Variants in BCKDHB observed in about 807,000 individuals in gnomAD.
BCKDHB encodes branched chain keto acid dehydrogenase E1 subunit beta, also known as 2-oxoisovalerate dehydrogenase subunit beta, mitochondrial.
A neutral mutation model predicts 48.5 loss-of-function variants in BCKDHB; 41 were observed. The ratio of observed to expected loss-of-function variants is 0.85; its 90% CI spans 0.66 to 1.10. The LOEUF (loss-of-function observed/expected upper bound fraction) is 1.10, where lower values mean the gene tolerates loss of function less well. BCKDHB is among the 50% of genes least tolerant of loss of function. The pLI, the probability that BCKDHB is intolerant of heterozygous loss-of-function variation, is 0.00. For synonymous variants in BCKDHB, 201 were observed against 174.8 expected (o/e 1.15, Z -1.18); for missense variants, 496 against 494.2 (o/e 1.00, Z -0.03).
At chr6:80,450,379 T>C in the BCKDHB span, among the ~76,000 whole-genome samples, 2 of 152,190 alleles carry the variant, frequency 1.3e-5, no homozygotes, top group Non-Finnish European at 2.9e-5. Flanking sequence ...GAACAGAAGC[T>C]ATGTCTGTGT....
At chr6:80,367,479 A>G in the BCKDHB span, among the ~76,000 whole-genome samples, 1 of 152,118 alleles carries the variant, frequency 6.6e-6, no homozygotes, top group Non-Finnish European at 1.5e-5. Flanking sequence ...CTGTTTTTTT[A>G]TTTCACTTAC....
chr6:80,451,145 G>A, the BCKDHB span, among the ~76,000 whole-genome samples: 8 of 151,980 alleles, frequency 5.3e-5, no homozygotes, highest in East Asian at 1.9e-4. Flanking sequence ...TTCTTTCCCC[G>A]GTTTCCTCAT....
chr6:80,350,574 G>T (rs554023331), downstream of BCKDHB, among the ~76,000 whole-genome samples: 67 of 152,206 alleles, frequency 4.4e-4, no homozygotes, highest in African/African-American at 1.6e-3. Context: ...TTGGCCCACA[G>T]TGTTGATAAA....
chr6:80,185,698 C>A (rs562995588), intron 6 of BCKDHB, among the ~76,000 whole-genome samples: 2 of 152,268 alleles, frequency 1.3e-5, no homozygotes, highest in Admixed American at 6.5e-5. Context: ...GTCTTTCTTG[C>A]TTTAGCCACT....
At chr6:80,353,539 G>GTT in the BCKDHB span, among the ~76,000 whole-genome samples, 50 of 151,316 alleles carry the variant, frequency 3.3e-4, no homozygotes, top group Non-Finnish European at 5.6e-4. Context: ...ACTAAAATGT[G>GTT]TTTTTTTTTG....
chr6:80,211,679 G>T (rs1162989882), intron 8 of BCKDHB, among the ~76,000 whole-genome samples: 1 of 152,134 alleles, frequency 6.6e-6, no homozygotes, highest in African/African-American at 2.4e-5. Context: ...TCTTTCTCCA[G>T]CAAGCCCCTT....
the BCKDHB span, among the ~76,000 whole-genome samples, chr6:80,361,597 A>G: frequency 1.3e-5 from 2 of 152,128 alleles, no homozygotes; most frequent in African/African-American, 4.8e-5. Context: ...GTCCTGTCTG[A>G]CGCTGCTCTT....
chr6:80,218,107 T>C (rs73748749), intron 8 of BCKDHB, among the ~76,000 whole-genome samples: 3,001 of 152,248 alleles, frequency 0.02, 93 homozygotes, highest in African/African-American at 0.068. Flanking sequence ...AGATTGTACA[T>C]ATGCCAACAC....
At chr6:80,235,500 A>G (rs527534858) in intron 8 of BCKDHB, among the ~76,000 whole-genome samples, 1 of 152,318 alleles carries the variant, frequency 6.6e-6, no homozygotes, top group Admixed American at 6.5e-5. Context: ...AGCTCCCAGA[A>G]TAATATCTTC....
chr6:80,204,872 T>G (rs1774567776), intron 8 of BCKDHB, among the ~76,000 whole-genome samples: 1 of 152,092 alleles, frequency 6.6e-6, no homozygotes, highest in Admixed American at 6.6e-5. Flanking sequence ...GGTCGCATCT[T>G]TGTCTGATCC....
chr6:80,194,575 T>C (rs1311786901), intron 6 of BCKDHB, among the ~76,000 whole-genome samples: 2 of 152,204 alleles, frequency 1.3e-5, no homozygotes, highest in African/African-American at 4.8e-5. Context: ...TTTGGTCAGC[T>C]CTTTTGTAGA....
At chr6:80,366,621 A>G in the BCKDHB span, among the ~76,000 whole-genome samples, 1 of 152,152 alleles carries the variant, frequency 6.6e-6, no homozygotes, top group African/African-American at 2.4e-5. Flanking sequence ...CCATTTTCTC[A>G]TTTCATAGTG....
chr6:80,323,934 G>T (rs1327467399), intron 9 of BCKDHB, among the ~76,000 whole-genome samples: 2 of 152,082 alleles, frequency 1.3e-5, no homozygotes, highest in African/African-American at 4.8e-5. Context: ...CACTACGGCC[G>T]GCTAATTTTT....
At chr6:80,153,909 C>T (rs978601944) in intron 3 of BCKDHB, among the ~76,000 whole-genome samples, 56 of 152,284 alleles carry the variant, frequency 3.7e-4, no homozygotes, top group South Asian at 8.3e-4. Context: ...TAGTAACTTG[C>T]TTATATACAC....
At chr6:80,326,642 C>T (rs1256169508) in intron 9 of BCKDHB, among the ~76,000 whole-genome samples, 1 of 152,152 alleles carries the variant, frequency 6.6e-6, no homozygotes, top group African/African-American at 2.4e-5. Flanking sequence ...AATCCCAGCA[C>T]TTTGGGAGGC....
chr6:80,379,451 A>C, the BCKDHB span, among the ~76,000 whole-genome samples: 2 of 152,052 alleles, frequency 1.3e-5, no homozygotes, highest in Admixed American at 6.6e-5. Context: ...ATATCTCAAA[A>C]TAATAAGAGC....
At chr6:80,412,208 A>G in the BCKDHB span, among the ~76,000 whole-genome samples, 1 of 150,930 alleles carries the variant, frequency 6.6e-6, no homozygotes, top group African/African-American at 2.4e-5. Flanking sequence ...CAATGGCACA[A>G]TCTCAGCTCA....
chr6:80,435,363 C>T, the BCKDHB span, among the ~76,000 whole-genome samples: 3 of 152,290 alleles, frequency 2.0e-5, no homozygotes, highest in East Asian at 3.9e-4. Context: ...GACATGGAGA[C>T]AGACAATCCA....
the BCKDHB span, among the ~76,000 whole-genome samples, chr6:80,427,619 T>C: frequency 1.3e-5 from 2 of 152,188 alleles, no homozygotes; most frequent in Non-Finnish European, 2.9e-5. Context: ...CTTTAATATT[T>C]CTTTTTGTGC....
Sources: allele counts gnomAD v4.1 joint callset (sites outside exome capture counted in the v4.1 genomes callset), GRCh38; gene constraint gnomAD v4.1.1; transcripts MANE v1.5; gene names NCBI Gene and HGNC (gene_info 2026-07-23, HGNC 2026-07-21).